The following RGS7 variants were observed in gnomAD, a reference collection of about 807,000 sequenced individuals.
The protein encoded by RGS7 is regulator of G-protein signaling 7.
In RGS7, 27 loss-of-function variants were observed where a neutral mutation model predicts 81.1. The ratio of observed to expected loss-of-function variants is 0.33; its 90% CI spans 0.25 to 0.46. The LOEUF (loss-of-function observed/expected upper bound fraction) is 0.46. RGS7 is among the 20% of genes least tolerant of loss of function. The probability of loss-of-function intolerance (pLI) is 1.00; values close to 1 mark genes in which losing one functional copy is unlikely to be tolerated. For synonymous variants in RGS7, 208 were observed against 207.7 expected (o/e 1.00, Z -0.01); for missense variants, 396 against 607.4 (o/e 0.65, Z 3.66).
At chr1:241,160,105 C>A (rs1572934025) in intron 2 of RGS7, among the ~76,000 whole-genome samples, 5 of 83,016 alleles carry the variant, frequency 6.0e-5, no homozygotes, top group South Asian at 3.8e-4. Context: ...AGCGAGACTC[C>A]ATCTCAAAAA....
intron 2 of RGS7, among the ~76,000 whole-genome samples, chr1:241,334,195 C>A (rs2082119583): frequency 6.6e-6 from 1 of 152,062 alleles, no homozygotes; most frequent in Non-Finnish European, 1.5e-5. Flanking sequence ...AGCTTTTTCA[C>A]AATTCTTAGC....
chr1:241,031,045 C>T (rs143821041), intron 3 of RGS7, among the ~76,000 whole-genome samples: 78 of 152,250 alleles, frequency 5.1e-4, no homozygotes, highest in African/African-American at 1.6e-3. Context: ...GGTGAAGCCC[C>T]GGCTTTTAGT....
chr1:241,161,179 A>C (rs894230417), intron 2 of RGS7, among the ~76,000 whole-genome samples: 1 of 152,124 alleles, frequency 6.6e-6, no homozygotes, highest in Non-Finnish European at 1.5e-5. Flanking sequence ...AAAAACTTAA[A>C]TGTAATTTTT....
Position 241,271,943 on chromosome 1 carries a change from T to C in RGS7, c.78+83756A>G, listed in dbSNP as rs1191168311. Among the ~76,000 whole-genome samples, 2 of 150,720 alleles carry C rather than the reference T, an allele frequency of 1.3e-5. No homozygotes were observed. Among genetic ancestry groups the C allele is most frequent in the African/African-American group, 2.4e-5 (1 of 40,964 alleles). On this transcript the variant is annotated intron_variant, in intron 2 of 18. Transcript: ENST00000440928. This position sits in a 1 kb window ranked among gnomAD's most constrained non-coding sequence, Gnocchi z 4.6. The stretch of plus-strand genomic sequence containing the variant: ...TGTGTGTGTGTGTGTAGACACACTA[T>C]TGGTTCTGTTTCTCTGGAGAACCCT...
intron 2 of RGS7, among the ~76,000 whole-genome samples, chr1:241,280,960 TG>T (rs1354824665): frequency 1.3e-5 from 2 of 152,236 alleles, no homozygotes; most frequent in East Asian, 3.8e-4. Flanking sequence ...TCCATTTATA[TG>T]CAGATTTTTT....
At chr1:240,833,121 T>C (rs889583265) in intron 9 of RGS7, among the ~76,000 whole-genome samples, 1 of 152,150 alleles carries the variant, frequency 6.6e-6, no homozygotes, top group African/African-American at 2.4e-5. Context: ...CTCACTGCGC[T>C]TGGGCTTTGG....
intron 6 of RGS7, among the ~76,000 whole-genome samples, chr1:240,881,553 T>A (rs1444640420): frequency 2.0e-5 from 3 of 152,166 alleles, no homozygotes; most frequent in Non-Finnish European, 4.4e-5. Context: ...GTATTTTAAA[T>A]TTACTGTTAG....
At position 241,048,278 on chromosome 1, in the gene RGS7, G is replaced by A. The variant is rs78012598; in HGVS notation, c.175+50388C>T. On this transcript the variant is annotated intron_variant, in intron 3 of 18. Coordinates refer to ENST00000440928, the MANE Select transcript of RGS7 (RefSeq NM_001364886.1). ...AGCCTCCCCCTGGTGAGCCTAATGAGGCACAGAAATAAAATATAAAAGTAA... is the reference window on the plus strand; with the variant it reads ...AGCCTCCCCCTGGTGAGCCTAATGAAGCACAGAAATAAAATATAAAAGTAA... Among the ~76,000 whole-genome samples, 1,362 of 152,068 alleles carry A rather than the reference G, an allele frequency of 9.0e-3. 27 individuals are homozygous for A. Among genetic ancestry groups the A allele is most frequent in the African/African-American group, 0.03 (1,232 of 41,456 alleles).
At chr1:241,001,527 G>T (rs1688140265) in intron 3 of RGS7, among the ~76,000 whole-genome samples, 2 of 152,044 alleles carry the variant, frequency 1.3e-5, no homozygotes, top group Admixed American at 1.3e-4. Context: ...CAGAAAAGAA[G>T]AAAAGGCACT....
chr1:241,229,319 G>A (rs946889359), intron 2 of RGS7, among the ~76,000 whole-genome samples: 8 of 152,238 alleles, frequency 5.3e-5, no homozygotes, highest in African/African-American at 1.7e-4. Context: ...AAAATGAATC[G>A]AGGAAGCAGA....
At chr1:241,130,556 G>A (rs2067004149) in intron 2 of RGS7, among the ~76,000 whole-genome samples, 1 of 152,080 alleles carries the variant, frequency 6.6e-6, no homozygotes, top group Non-Finnish European at 1.5e-5. Flanking sequence ...TTAGTGAGAA[G>A]AGGGACAGTA....
chr1:240,847,044 C>T (rs541303883), intron 9 of RGS7, among the ~76,000 whole-genome samples: 281 of 152,232 alleles, frequency 1.8e-3, no homozygotes, highest in Admixed American at 3.9e-3. Context: ...TGTTTTATTC[C>T]GCTAAATTTT....
chr1:241,113,337 T>C (rs761768448), intron 2 of RGS7, among the ~76,000 whole-genome samples: 1 of 152,208 alleles, frequency 6.6e-6, no homozygotes. Flanking sequence ...GGCAGTGATG[T>C]TGAATTATTT....
At chr1:241,018,349 AG>A in intron 3 of RGS7, among the ~76,000 whole-genome samples, 1 of 151,898 alleles carries the variant, frequency 6.6e-6, no homozygotes, top group Non-Finnish European at 1.5e-5. Context: ...TTTTGTTGAA[AG>A]CCAGGTATAT....
At chr1:241,081,689 G>A (rs898940511) in intron 3 of RGS7, among the ~76,000 whole-genome samples, 2 of 152,226 alleles carry the variant, frequency 1.3e-5, no homozygotes, top group African/African-American at 4.8e-5. Flanking sequence ...TCATTCCTAT[G>A]ATTCTTGGAG....
chr1:241,174,902 T>G (rs867294143), intron 2 of RGS7, among the ~76,000 whole-genome samples: 30 of 135,360 alleles, frequency 2.2e-4, no homozygotes, highest in Middle Eastern at 3.7e-3. Context: ...TTTGTTTTTT[T>G]TTTTTTTTTT....
At chr1:240,827,887 A>AAT (rs1297718584) in intron 9 of RGS7, among the ~76,000 whole-genome samples, 1 of 150,390 alleles carries the variant, frequency 6.6e-6, no homozygotes, top group Non-Finnish European at 1.5e-5. Flanking sequence ...AAAAAAAAAA[A>AAT]ACAGGCTGTT....
At chr1:241,277,405 G>A (rs184459611) in intron 2 of RGS7, among the ~76,000 whole-genome samples, 86 of 152,232 alleles carry the variant, frequency 5.6e-4, no homozygotes, top group Non-Finnish European at 1.0e-3. Context: ...GGATCACGTG[G>A]TCAGGAGATC....
At chr1:240,929,722 C>T (rs190698842) in intron 6 of RGS7, among the ~76,000 whole-genome samples, 46 of 152,324 alleles carry the variant, frequency 3.0e-4, no homozygotes, top group African/African-American at 5.1e-4. Context: ...CTACCTCAAA[C>T]GCTTGCCCTG....
Sources: allele counts gnomAD v4.1 joint callset (sites outside exome capture counted in the v4.1 genomes callset), GRCh38; gene constraint gnomAD v4.1.1; non-coding constraint Gnocchi (gnomAD v3.1); transcripts MANE v1.5; gene names NCBI Gene and HGNC (gene_info 2026-07-23, HGNC 2026-07-21).